Variants in CSNK2A2IP observed in about 807,000 individuals in gnomAD.
CSNK2A2IP encodes the protein casein kinase II subunit alpha'-interacting protein.
the CSNK2A2IP span, among the ~76,000 whole-genome samples, chr3:88,432,068 C>A: frequency 6.6e-6 from 1 of 151,598 alleles, no homozygotes. Flanking sequence ...ATATTTTATT[C>A]TTGTAGTTTG....
At chr3:88,458,141 G>GGTTTTTTTTTT in the CSNK2A2IP span, among the ~76,000 whole-genome samples, 2 of 83,304 alleles carry the variant, frequency 2.4e-5, 1 homozygote. Flanking sequence ...TGTAATTGTG[G>GGTTTTTTTTTT]TTTTTTTTTT....
chr3:88,392,064 TAG>T, the CSNK2A2IP span, among the ~76,000 whole-genome samples: 1 of 152,100 alleles, frequency 6.6e-6, no homozygotes, highest in African/African-American at 2.4e-5. Flanking sequence ...AATTTGTAGT[TAG>T]TTGGATGTGA....
the CSNK2A2IP span, among the ~76,000 whole-genome samples, chr3:88,355,634 C>G: frequency 6.6e-6 from 1 of 152,096 alleles, no homozygotes; most frequent in African/African-American, 2.4e-5. Context: ...TTCCATTTAA[C>G]CCATTAATTA....
the CSNK2A2IP span, among the ~76,000 whole-genome samples, chr3:88,439,034 T>A: frequency 1.3e-5 from 2 of 152,288 alleles, no homozygotes; most frequent in East Asian, 1.9e-4. Flanking sequence ...GTCTCTAGCA[T>A]TGTGGTTCCC....
the CSNK2A2IP span, among the ~76,000 whole-genome samples, chr3:88,375,863 A>C: frequency 1.3e-5 from 2 of 151,610 alleles, no homozygotes; most frequent in Non-Finnish European, 3.0e-5. Context: ...TGCAATGGCC[A>C]CTCTGTCCCT....
the CSNK2A2IP span, among the ~76,000 whole-genome samples, chr3:88,456,686 A>G: frequency 6.7e-6 from 1 of 148,946 alleles, no homozygotes; most frequent in Non-Finnish European, 1.5e-5. Flanking sequence ...TGTGCATCCA[A>G]TTCTTACAGA....
At chr3:88,339,920 C>A in the CSNK2A2IP span, among the ~76,000 whole-genome samples, 17 of 151,984 alleles carry the variant, frequency 1.1e-4, 1 homozygote, top group Admixed American at 6.6e-4. Flanking sequence ...TCTTCTGGGT[C>A]ATTATTATAA....
the CSNK2A2IP span, among the ~76,000 whole-genome samples, chr3:88,377,283 T>G: frequency 6.6e-6 from 1 of 152,020 alleles, no homozygotes; most frequent in African/African-American, 2.4e-5. Context: ...TCTCACTATA[T>G]ACTGGTGCCC....
the CSNK2A2IP span, among the ~76,000 whole-genome samples, chr3:88,397,693 A>G: frequency 6.6e-6 from 1 of 152,080 alleles, no homozygotes; most frequent in Non-Finnish European, 1.5e-5. Flanking sequence ...AAAATTGTTT[A>G]GCATATATAA....
the CSNK2A2IP span, among the ~76,000 whole-genome samples, chr3:88,409,430 G>C: frequency 6.6e-6 from 1 of 151,966 alleles, no homozygotes; most frequent in Non-Finnish European, 1.5e-5. Flanking sequence ...AGCATTCCCT[G>C]TTAAACCAGC....
the CSNK2A2IP span, among the ~76,000 whole-genome samples, chr3:88,353,999 C>A: frequency 2.6e-5 from 4 of 152,178 alleles, no homozygotes; most frequent in Middle Eastern, 3.4e-3. Flanking sequence ...ATGAGTGAGC[C>A]CTTGCTCTAT....
chr3:88,461,769 A>G, the CSNK2A2IP span, among the ~76,000 whole-genome samples: 1 of 151,622 alleles, frequency 6.6e-6, no homozygotes, highest in East Asian at 1.9e-4. Context: ...CACTTTATTG[A>G]TTTTTTATTT....
At chr3:88,404,314 G>A in the CSNK2A2IP span, among the ~76,000 whole-genome samples, 4 of 151,934 alleles carry the variant, frequency 2.6e-5, no homozygotes, top group East Asian at 1.9e-4. Context: ...TGCCAACCCC[G>A]CAAAATAAAA....
the CSNK2A2IP span, among the ~76,000 whole-genome samples, chr3:88,376,649 A>G: frequency 6.6e-6 from 1 of 151,784 alleles, no homozygotes; most frequent in African/African-American, 2.4e-5. Context: ...TCAAATAAAA[A>G]ACAAACAAGA....
At chr3:88,389,462 C>T in the CSNK2A2IP span, among the ~76,000 whole-genome samples, 2 of 152,124 alleles carry the variant, frequency 1.3e-5, no homozygotes, top group African/African-American at 4.8e-5. Context: ...AGGTTGGAGA[C>T]TTCAGGGGTG....
the CSNK2A2IP span, chr3:88,466,269 A>T: frequency 8.1e-7 from 1 of 1,231,746 alleles, no homozygotes; most frequent in Admixed American, 4.2e-5. Context: ...GGCAATCAGC[A>T]TCATCATATT....
chr3:88,400,920 G>A, the CSNK2A2IP span, among the ~76,000 whole-genome samples: 1 of 152,306 alleles, frequency 6.6e-6, no homozygotes, highest in South Asian at 2.1e-4. Context: ...ATGGAACAAT[G>A]TGATGAATAG....
chr3:88,438,439 A>G, the CSNK2A2IP span, among the ~76,000 whole-genome samples: 108 of 152,252 alleles, frequency 7.1e-4, no homozygotes, highest in Non-Finnish European at 1.4e-3. Context: ...ATTTTATGGC[A>G]TAGAGCCAGC....
the CSNK2A2IP span, among the ~76,000 whole-genome samples, chr3:88,440,350 T>C: frequency 2.6e-5 from 4 of 152,162 alleles, no homozygotes; most frequent in Admixed American, 6.5e-5. Flanking sequence ...AATTGAGTAA[T>C]TGGTAACATA....
Sources: allele counts gnomAD v4.1 joint callset (sites outside exome capture counted in the v4.1 genomes callset), GRCh38; gene constraint gnomAD v4.1.1; transcripts MANE v1.5; gene names NCBI Gene and HGNC (gene_info 2026-07-23, HGNC 2026-07-21).